PSPC1: variants seen among roughly 807,000 people sequenced by gnomAD.
PSPC1 encodes paraspeckle component 1.
PSPC1 carries 14 observed loss-of-function variants against 51.6 expected under a neutral mutation model. The observed-to-expected ratio is 0.27, with a 90% CI of 0.18 to 0.42. The LOEUF (loss-of-function observed/expected upper bound fraction) is 0.42, where lower values mean the gene tolerates loss of function less well. Ranked by LOEUF, PSPC1 falls within the 10% of genes least tolerant of loss-of-function variation. PSPC1 has a pLI of 1.00. For synonymous variants in PSPC1, 193 were observed against 231.9 expected, an observed-to-expected ratio of 0.83 and a Z score of 1.53; for missense variants, 406 against 701.1, an observed-to-expected ratio of 0.58 and a Z score of 4.75.
intron 7 of PSPC1, among the ~76,000 whole-genome samples, chr13:19,708,072 T>C (rs984284124): frequency 6.6e-6 from 1 of 152,240 alleles, no homozygotes; most frequent in Non-Finnish European, 1.5e-5. Flanking sequence ...TGTTTCTTGC[T>C]TCCTGCATAT....
At chr13:19,701,669 A>G (rs1368898735), downstream of PSPC1, among the ~76,000 whole-genome samples, 1 of 152,368 alleles carries the variant, frequency 6.6e-6, no homozygotes, top group African/African-American at 2.4e-5. Context: ...AACTGCTTTT[A>G]TGCAAAATTT....
chr13:19,715,790 G>C (rs186493566), intron 6 of PSPC1, among the ~76,000 whole-genome samples: 1 of 152,104 alleles, frequency 6.6e-6, no homozygotes, highest in Admixed American at 6.5e-5. Context: ...GAGGCGGATG[G>C]ATCACGAGGT....
chr13:19,700,707 C>A (rs796693914), downstream of PSPC1, among the ~76,000 whole-genome samples: 67 of 152,120 alleles, frequency 4.4e-4, no homozygotes, highest in African/African-American at 1.6e-3. Context: ...AAACTCAGTA[C>A]TTCAAATCAT....
At chr13:19,716,094 C>A (rs904241006) in intron 6 of PSPC1, among the ~76,000 whole-genome samples, 1 of 152,146 alleles carries the variant, frequency 6.6e-6, no homozygotes, top group Non-Finnish European at 1.5e-5. Context: ...ATATATGAAA[C>A]ATAAGTGAAT....
chr13:19,706,337 T>C (rs1880660246), intron 7 of PSPC1, among the ~76,000 whole-genome samples: 1 of 152,144 alleles, frequency 6.6e-6, no homozygotes, highest in Admixed American at 6.5e-5. Flanking sequence ...TCTTAGTTTT[T>C]TTTTTTTCCT....
chr13:19,729,741 TCA>T (rs1883819742), intron 6 of PSPC1, among the ~76,000 whole-genome samples: 1 of 152,110 alleles, frequency 6.6e-6, no homozygotes, highest in African/African-American at 2.4e-5. Flanking sequence ...TAAAAAGTCC[TCA>T]TCTTTTAGAG....
intron 3 of PSPC1, among the ~76,000 whole-genome samples, chr13:19,752,586 A>AT (rs1444018151): frequency 1.9e-4 from 28 of 150,406 alleles, no homozygotes; most frequent in African/African-American, 6.6e-4. Flanking sequence ...TTTTTTATTT[A>AT]TTTATTTATT....
chr13:19,674,711 G>A (rs1249780725), downstream of PSPC1: 2 of 152,244 alleles, frequency 1.3e-5, no homozygotes. Flanking sequence ...AGGAGACATA[G>A]AGCAGACTAT....
chr13:19,734,103 A>C (rs1343251142), intron 5 of PSPC1, among the ~76,000 whole-genome samples: 4 of 152,228 alleles, frequency 2.6e-5, no homozygotes, highest in African/African-American at 7.2e-5. Flanking sequence ...GACAGCATAC[A>C]GAAACATTCC....
chr13:19,757,390 A>G (rs1044970784), intron 3 of PSPC1, among the ~76,000 whole-genome samples: 1 of 152,154 alleles, frequency 6.6e-6, no homozygotes, highest in African/African-American at 2.4e-5. Flanking sequence ...GAGCAGGGCG[A>G]GAGTTCCGTG....
intron 6 of PSPC1, among the ~76,000 whole-genome samples, chr13:19,712,748 T>C (rs563169508): frequency 1.3e-5 from 2 of 151,060 alleles, no homozygotes; most frequent in Admixed American, 6.6e-5. Context: ...TTTCACTAAA[T>C]ATATATATAT....
At chr13:19,705,544 T>G (rs1395978541) in intron 8 of PSPC1, 118 bp downstream of exon 8, 2 of 726,674 alleles carry the variant, frequency 2.8e-6, no homozygotes. Context: ...GTCACAAAAT[T>G]TTCTTCTTCA....
Position 19,711,452 on chromosome 13 carries a change from C to G in PSPC1, c.1159-1853G>C, listed in dbSNP as rs1279098793. On this transcript the variant is annotated intron_variant, in intron 6 of 8. Transcript: ENST00000338910. Reference sequence around the variant, plus strand: ...GAGATTGAGACCATCCTGGCTAACACGGTGAAACCCCGTTTCTACTAAAAA... The same window carrying G: ...GAGATTGAGACCATCCTGGCTAACAGGGTGAAACCCCGTTTCTACTAAAAA... Among the ~76,000 whole-genome samples, 8 of 151,838 alleles carry G rather than the reference C, an allele frequency of 5.3e-5. 1 individual carries two copies. The highest frequency in any genetic ancestry group is 1.9e-4 in the African/African-American group (8 of 41,418).
At chr13:19,736,404 C>A (rs1220627479) in intron 5 of PSPC1, among the ~76,000 whole-genome samples, 1 of 152,066 alleles carries the variant, frequency 6.6e-6, no homozygotes, top group African/African-American at 2.4e-5. Flanking sequence ...CATCTTCAGG[C>A]CACGCACAGT....
At chr13:19,742,080 T>C (rs1346393703) in intron 4 of PSPC1, among the ~76,000 whole-genome samples, 2 of 151,942 alleles carry the variant, frequency 1.3e-5, no homozygotes, top group African/African-American at 4.8e-5. Flanking sequence ...TGCAATGAGT[T>C]GAGATTGTGC....
chr13:19,769,315 G>A (rs1394176363), intron 2 of PSPC1, among the ~76,000 whole-genome samples: 1 of 151,872 alleles, frequency 6.6e-6, no homozygotes, highest in East Asian at 1.9e-4. Flanking sequence ...CAGCACTTTG[G>A]GAGGCCGAGG....
At chr13:19,692,740 C>G (rs1346822998) in intron 6 of PSPC1, among the ~76,000 whole-genome samples, 1 of 152,054 alleles carries the variant, frequency 6.6e-6, no homozygotes, top group African/African-American at 2.4e-5. Context: ...TCATTCAAAC[C>G]AGAAACCCCT....
intron 6 of PSPC1, among the ~76,000 whole-genome samples, chr13:19,716,408 A>G (rs1882095105): frequency 6.6e-6 from 1 of 152,230 alleles, no homozygotes; most frequent in Non-Finnish European, 1.5e-5. Flanking sequence ...AACACCATTT[A>G]ATGATCAATG....
At chr13:19,696,441 C>T (rs1348370866) in intron 6 of PSPC1, among the ~76,000 whole-genome samples, 1 of 151,776 alleles carries the variant, frequency 6.6e-6, no homozygotes, top group African/African-American at 2.4e-5. Context: ...TCATTATGAA[C>T]CAATTTAATT....
Sources: allele counts gnomAD v4.1 joint callset (sites outside exome capture counted in the v4.1 genomes callset), GRCh38; gene constraint gnomAD v4.1.1; transcripts MANE v1.5; gene names NCBI Gene and HGNC (gene_info 2026-07-23, HGNC 2026-07-21).